FZR1: variants seen among roughly 807,000 people sequenced by gnomAD.
FZR1 encodes the protein fizzy and cell division cycle 20 related 1.
A neutral mutation model predicts 63.6 loss-of-function variants in FZR1; 11 were observed. The observed-to-expected ratio is 0.17, with a 90% confidence interval of 0.11 to 0.29. The LOEUF (loss-of-function observed/expected upper bound fraction) is 0.29, where lower values mean the gene tolerates loss of function less well. Among genes scored for constraint, FZR1 ranks in the 10% least tolerant of loss-of-function variants. The pLI, the probability that FZR1 is intolerant of heterozygous loss-of-function variation, is 1.00. For missense variants in FZR1, 440 were observed against 687.5 expected, an observed-to-expected ratio of 0.64 and a Z score of 4.03; for synonymous variants, 328 against 297.9, an observed-to-expected ratio of 1.10 and a Z score of -1.04.
rs766958579 is a variant in FZR1, at chr19:3,534,776, C to T, written c.1441-19C>T. ...TGGGCCTGCGGCTCAGCGCATCTGC[C>T]ATCCCCATGTGTCTGCAGGAGTCTG... is the stretch of plus-strand genomic sequence containing the variant. On this transcript the variant is annotated intron_variant, in intron 13 of 13. Transcript: ENST00000441788. 2.5e-6 allele frequency: 4 copies of T among 1,610,940 alleles called. No homozygotes were observed. Among genetic ancestry groups the T allele is most frequent in the Admixed American group, 1.7e-5 (1 of 60,004 alleles).
At chr19:3,528,999 G>C (rs2083196024) in intron 7 of FZR1, among the ~76,000 whole-genome samples, 1 of 150,242 alleles carries the variant, frequency 6.7e-6, no homozygotes, top group South Asian at 2.2e-4. Flanking sequence ...TGGATGAGCA[G>C]ATGGGAGAGT....
At chr19:3,519,852 C>T (rs577076552) in intron 1 of FZR1, among the ~76,000 whole-genome samples, 3 of 141,494 alleles carry the variant, frequency 2.1e-5, no homozygotes, top group Middle Eastern at 3.8e-3. Context: ...GTAGATCCCC[C>T]TTCATCTGTG....
Position 3,532,112 on chromosome 19 carries a change from C to T in FZR1, c.1008+17C>T, listed in dbSNP as rs760269119. On this transcript the variant is annotated intron_variant, in intron 10 of 13. Transcript: ENST00000441788. Reference sequence around the variant, plus strand: ...GACAACAAGGTACCCCCGCCCAGAGCCTGGGCTTCCCCTTCACCAGAAGCC... The same window carrying T: ...GACAACAAGGTACCCCCGCCCAGAGTCTGGGCTTCCCCTTCACCAGAAGCC... The T allele has an allele frequency of 3.4e-5, 50 of 1,485,532 alleles. No individual in the cohort carries two copies. Among genetic ancestry groups the T allele is most frequent in the Admixed American group, 2.0e-4 (9 of 45,528 alleles). 92.0% of individuals were successfully genotyped at this position (1,485,532 alleles called of 1,614,324 possible).
Position 3,532,492 on chromosome 19 carries a change from G to T in FZR1, c.1084G>T (p.Ala362Ser), listed in dbSNP as rs371550562. 1 of 1,607,234 alleles carries T rather than the reference G, an allele frequency of 6.2e-7. No homozygotes were observed. Among genetic ancestry groups the T allele is most frequent in the South Asian group, 1.1e-5 (1 of 90,754 alleles). ...TEHLAAVKAI[A>S]WSPHQHGLLA... ...GCACCTGGCGGCCGTGAAGGCCATC[G>T]CCTGGTCCCCACATCAGCACGGGCT... The change falls in exon 11 of 14, where the codon GCC (alanine) becomes TCC (serine). Residue 362 changes from alanine (A) to serine (S), a missense_variant. Physicochemically the swap from Ala to Ser is moderately conservative, Grantham distance 99 (BLOSUM62 1). Coordinates refer to ENST00000441788, the MANE Select transcript of FZR1 (RefSeq NM_016263.4).
intron 1 of FZR1, among the ~76,000 whole-genome samples, chr19:3,511,409 A>G (rs1013053891): frequency 6.6e-6 from 1 of 152,192 alleles, no homozygotes; most frequent in Non-Finnish European, 1.5e-5. Flanking sequence ...TATTCACTCT[A>G]GACTGCCTGC....
intron 7 of FZR1, among the ~76,000 whole-genome samples, chr19:3,530,449 TGGGA>T (rs2083234213): frequency 8.2e-6 from 1 of 122,022 alleles, no homozygotes; most frequent in Non-Finnish European, 1.7e-5. Context: ...GGAGAGCGCA[TGGGA>T]GAGCGCATGG....
intron 7 of FZR1, among the ~76,000 whole-genome samples, chr19:3,530,279 CGGATGGGAGA>C (rs2083229567): frequency 1.6e-5 from 2 of 124,958 alleles, no homozygotes; most frequent in Non-Finnish European, 1.7e-5. Flanking sequence ...GATGGGAGAG[CGGATGGGAGA>C]GCGCAGGGGA....
At chr19:3,511,581 A>G (rs1374969704) in intron 1 of FZR1, among the ~76,000 whole-genome samples, 1 of 152,156 alleles carries the variant, frequency 6.6e-6, no homozygotes, top group African/African-American at 2.4e-5. Flanking sequence ...TAGGCTGCAC[A>G]CCCAGTGGGG....
intron 11 of FZR1, 70 bp downstream of exon 11, chr19:3,532,720 C>A: frequency 9.6e-7 from 1 of 1,037,084 alleles, no homozygotes; most frequent in Non-Finnish European, 1.5e-6. Context: ...TACCTGCCAC[C>A]TGAGAGCAGC....
chr19:3,517,972 T>C (rs2083071010), intron 1 of FZR1, among the ~76,000 whole-genome samples: 1 of 150,330 alleles, frequency 6.7e-6, no homozygotes, highest in African/African-American at 2.4e-5. Flanking sequence ...GTCCTGGGAC[T>C]ACAGATGTAT....
Position 3,534,500 on chromosome 19 carries a change from C to A in FZR1, c.1427C>A (p.Thr476Asn). 6.2e-7 allele frequency: 1 copy of A among 1,606,412 alleles called. No individual in the cohort carries two copies. Among genetic ancestry groups the A allele is most frequent in the East Asian group, 2.2e-5 (1 of 44,780 alleles). The change falls in exon 13 of 14, where the codon ACC becomes AAC. Residue 476 changes from threonine (T) to asparagine (N), a missense_variant. Thr to Asn is a moderately conservative substitution (Grantham distance 65). Around this residue, in one of 5 missense-constraint regions of FZR1, gnomAD observed 28 missense variants for 26.3 expected, o/e 1.06. Transcript: ENST00000441788. ...AGGTTCTGGAACGTCTTTAGCAAAA[C>A]CCGTTCGACAAAGGTAAAGTGGGTC... ...TLRFWNVFSK[T>N]RSTKESVSVL...
At chr19:3,508,596 G>C (rs955456009) in intron 1 of FZR1, among the ~76,000 whole-genome samples, 1 of 152,224 alleles carries the variant, frequency 6.6e-6, no homozygotes, top group African/African-American at 2.4e-5. Flanking sequence ...GAATGGAATT[G>C]GTTCTGAGGA....
intron 8 of FZR1, 23 bp from the exon 9 acceptor site, chr19:3,531,691 T>C: frequency 6.6e-7 from 1 of 1,513,736 alleles, no homozygotes; most frequent in South Asian, 1.2e-5. Context: ...ACACCGGTGC[T>C]CTGCCCATGC....
At chr19:3,513,642 C>T (rs1487404142) in intron 1 of FZR1, among the ~76,000 whole-genome samples, 1 of 152,186 alleles carries the variant, frequency 6.6e-6, no homozygotes, top group Non-Finnish European at 1.5e-5. Context: ...TGTCCTAGCC[C>T]CATGTGTGTT....
Position 3,532,408 on chromosome 19 carries a change from GT to G in FZR1, c.1009-8del. 1 of 1,586,554 alleles carries G rather than the reference GT, an allele frequency of 6.3e-7. No individual in the cohort carries two copies. The highest frequency in any genetic ancestry group is 8.6e-7 in the Non-Finnish European group (1 of 1,164,680). ...GGACAGCCCCGGCCTCACAGCCCCT[GT>G]CCCCCAGCTGCTGGTCTGGAATCAC... is the stretch of plus-strand genomic sequence containing the variant. On this transcript the variant is annotated splice_region_variant and splice_polypyrimidine_tract_variant and intron_variant, in intron 10 of 13. Coordinates refer to ENST00000441788, the MANE Select transcript of FZR1 (RefSeq NM_016263.4).
chr19:3,526,938 G>C lies in FZR1; in HGVS notation c.388-42G>C. 7.0e-7 allele frequency: 1 copy of C among 1,432,030 alleles called. No individual in the cohort carries two copies. Among genetic ancestry groups the C allele is most frequent in the Non-Finnish European group, 9.8e-7 (1 of 1,020,044 alleles). 88.7% of individuals were successfully genotyped at this position (1,432,030 alleles called of 1,614,324 possible). On this transcript the variant is annotated intron_variant, in intron 5 of 13. Coordinates refer to ENST00000441788, the MANE Select transcript of FZR1 (RefSeq NM_016263.4). This position sits in a 1 kb window ranked among gnomAD's most constrained non-coding sequence, Gnocchi z 5.4. ...TGCTGGGGGGCTCTGAGGGTCCTGC[G>C]GCCTGGGCGTGCGCTCAGCTGGCAT...
chr19:3,506,699 C>G (rs1212993839), intron 1 of FZR1, among the ~76,000 whole-genome samples: 1 of 151,878 alleles, frequency 6.6e-6, no homozygotes, highest in Admixed American at 6.6e-5. Flanking sequence ...AGCGTCCCCC[C>G]CACGTCGGGG....
Position 3,514,781 on chromosome 19 carries a change from T to C in FZR1, c.-34-8175T>C, listed in dbSNP as rs1322945918. Among the ~76,000 whole-genome samples, 1 of 152,150 alleles carries C rather than the reference T, an allele frequency of 6.6e-6. No homozygotes were observed. The highest frequency in any genetic ancestry group is 2.4e-5 in the African/African-American group (1 of 41,420). On this transcript the variant is annotated intron_variant, in intron 1 of 13. Coordinates refer to ENST00000441788, the MANE Select transcript of FZR1 (RefSeq NM_016263.4). This position sits in a 1 kb window ranked among gnomAD's most constrained non-coding sequence, Gnocchi z 4.2. ...GCCGACTCCATTTTTTTCCACATAT[T>C]TATCCCAGGGCGTCTCCCTCTGTAC...
Position 3,525,902 on chromosome 19 carries a change from G to C in FZR1, c.104G>C (p.Ser35Thr). The change falls in exon 3 of 14, where the codon AGC becomes ACC. Residue 35 changes from serine (S) to threonine (T), a missense_variant. By Grantham distance (58) the Ser-to-Thr change is moderately conservative. Coordinates refer to ENST00000441788, the MANE Select transcript of FZR1 (RefSeq NM_016263.4). This position sits in a 1 kb window ranked among gnomAD's most constrained non-coding sequence, Gnocchi z 4.2. ...TEMRRTLTPA[S>T]SPVSSPSKHG... ...ATGCGGCGGACCCTGACGCCTGCCA[G>C]CTCCCCAGTGTCCTCGCCCAGCAAG... 1 of 1,612,272 alleles carries C rather than the reference G, an allele frequency of 6.2e-7. No individual in the cohort carries two copies. Among genetic ancestry groups the C allele is most frequent in the Non-Finnish European group, 8.5e-7 (1 of 1,179,922 alleles).
Sources: gnomAD v4.1 joint callset for allele counts (sites outside exome capture counted in the v4.1 genomes callset) on GRCh38, gnomAD v4.1.1 for gene constraint, gnomAD v4.1.1 regional missense constraint, Gnocchi (gnomAD v3.1) non-coding constraint, MANE v1.5 for transcripts, NCBI Gene and HGNC (gene_info 2026-07-23, HGNC 2026-07-21) for gene names.